ATP8B1: variants seen among roughly 807,000 people sequenced by gnomAD.
ATP8B1 encodes the protein ATPase phospholipid transporting 8B1.
A neutral mutation model predicts 149.9 loss-of-function variants in ATP8B1; 80 were observed. That is an observed-to-expected ratio of 0.53 (90% CI 0.45 to 0.64). The LOEUF (loss-of-function observed/expected upper bound fraction) is 0.64. ATP8B1 is among the 30% of genes least tolerant of loss of function. The pLI, the probability that ATP8B1 is intolerant of heterozygous loss-of-function variation, is 0.00. For synonymous variants in ATP8B1, 536 were observed against 562.8 expected (o/e 0.95, Z 0.67); for missense variants, 1,247 against 1,552.6 (o/e 0.80, Z 3.31).
At chr18:57,669,742 C>T (rs1302657137) in intron 17 of ATP8B1, among the ~76,000 whole-genome samples, 1 of 152,100 alleles carries the variant, frequency 6.6e-6, no homozygotes, top group African/African-American at 2.4e-5. Context: ...CTCTGCCTTC[C>T]AGGCTGAAGC....
chr18:57,790,664 A>T (rs749605272), intron 1 of ATP8B1, among the ~76,000 whole-genome samples: 23 of 152,142 alleles, frequency 1.5e-4, no homozygotes, highest in Non-Finnish European at 2.9e-4. Context: ...TCCCTGGGCC[A>T]TTTTTTAAAT....
chr18:57,727,131 C>T (rs2079717039), intron 2 of ATP8B1, among the ~76,000 whole-genome samples: 1 of 152,062 alleles, frequency 6.6e-6, no homozygotes, highest in Admixed American at 6.6e-5. Flanking sequence ...TGAGATGGCA[C>T]AGTATCACCA....
intron 1 of ATP8B1, among the ~76,000 whole-genome samples, chr18:57,736,696 G>A (rs1326829467): frequency 9.3e-5 from 14 of 150,002 alleles, no homozygotes; most frequent in Non-Finnish European, 5.9e-5. Flanking sequence ...CCTGGGTCAA[G>A]TGATCCTCCA....
At chr18:57,772,772 G>T (rs2080274300) in intron 1 of ATP8B1, among the ~76,000 whole-genome samples, 1 of 152,102 alleles carries the variant, frequency 6.6e-6, no homozygotes, top group Middle Eastern at 3.2e-3. Context: ...AAGTAACAGG[G>T]ACGATGAGGA....
In ATP8B1 at chr18:57,701,092, A is replaced by T. The variant is rs780703474; in HGVS notation, c.501T>A (p.His167Gln). ...TATTGTTGATTTCCTTATCCATTTT[A>T]TGGCGAGCCTTGAGAAGGAAGATGG... ...IKDLVDDVAR[H>Q]KMDKEINNRT... The change falls in exon 6 of 28, where the codon CAT (histidine) becomes CAA (glutamine). Residue 167 changes from histidine (H) to glutamine (Q), a missense_variant. His to Gln is a conservative substitution (Grantham distance 24). Transcript: ENST00000648908. The T allele has an allele frequency of 2.5e-6, 4 of 1,614,056 alleles. No individual in the cohort carries two copies. Among genetic ancestry groups the T allele is most frequent in the Non-Finnish European group, 3.4e-6 (4 of 1,180,010 alleles).
intron 11 of ATP8B1, among the ~76,000 whole-genome samples, chr18:57,693,252 G>A (rs950146958): frequency 1.3e-5 from 2 of 151,318 alleles, no homozygotes; most frequent in South Asian, 4.2e-4. Flanking sequence ...GGAAATAGAA[G>A]GAGTGCTTAA....
chr18:57,672,929 T>A lies in ATP8B1; in HGVS notation c.1820-1349A>T, dbSNP rs199925730. ...ATATATATATATATATATATATATA[T>A]ATAACATGTATATACACATATATAC... is the stretch of plus-strand genomic sequence containing the variant. On this transcript the variant is annotated intron_variant, in intron 16 of 27. Transcript: ENST00000648908. Among the ~76,000 whole-genome samples, 60 of 20,916 alleles carry A rather than the reference T, an allele frequency of 2.9e-3. 1 individual carries two copies. Among genetic ancestry groups the A allele is most frequent in the East Asian group, 0.017 (4 of 240 alleles). 13.7% of individuals were successfully genotyped at this position (20,916 alleles called of 152,430 possible). A position where few individuals can be genotyped will look rare whatever the true frequency, so the allele number is the denominator to read the frequency against.
intron 6 of ATP8B1, among the ~76,000 whole-genome samples, chr18:57,700,474 C>T (rs1913062171): frequency 6.6e-6 from 1 of 151,990 alleles, no homozygotes; most frequent in African/African-American, 2.4e-5. Context: ...ATCTTTAAAA[C>T]AATATTATAG....
Position 57,713,240 on chromosome 18 carries a change from C to CT in ATP8B1, c.182-6654dup, listed in dbSNP as rs1418593919. Among the ~76,000 whole-genome samples the CT allele has an allele frequency of 1.7e-3, 110 of 65,082 alleles. 1 individual carries two copies. The highest frequency in any genetic ancestry group is 3.2e-3 in the East Asian group (4 of 1,232). The allele number at this position is 65,082 out of a possible 152,430, so 42.7% of individuals were successfully genotyped here. ...CCTTCCTTCCTTCCTTCCTTCCTTC[C>CT]TTCTTTCTTTCTTTCTTTCTTTCTC... On this transcript the variant is annotated intron_variant, in intron 2 of 27. Transcript: ENST00000648908.
At chr18:57,754,548 G>T (rs1454037824) in intron 1 of ATP8B1, among the ~76,000 whole-genome samples, 1 of 152,100 alleles carries the variant, frequency 6.6e-6, no homozygotes, top group Admixed American at 6.5e-5. Flanking sequence ...CTGCTGTGAG[G>T]ATAAAATGAT....
Position 57,648,224 on chromosome 18 carries a change from G to T in ATP8B1, c.*264C>A, listed in dbSNP as rs748164178. The T allele has an allele frequency of 9.0e-6, 5 of 555,832 alleles. No individual in the cohort carries two copies. The South Asian group carries it at 1.0e-4, about 11-fold the overall frequency. The allele number at this position is 555,832 out of a possible 1,614,324, so 34.4% of individuals were successfully genotyped here. ...TGGTCTCGAACTCCTGGCCTCAGGTGATCTCCCCTCCTCAGCCTCCTAAAG... is the reference window on the plus strand; with the variant it reads ...TGGTCTCGAACTCCTGGCCTCAGGTTATCTCCCCTCCTCAGCCTCCTAAAG... On this transcript the variant is annotated 3_prime_UTR_variant, in exon 28 of 28. Coordinates refer to ENST00000648908, the MANE Select transcript of ATP8B1 (RefSeq NM_001374385.1).
At chr18:57,789,966 A>G (rs2080446466) in intron 1 of ATP8B1, among the ~76,000 whole-genome samples, 1 of 152,072 alleles carries the variant, frequency 6.6e-6, no homozygotes, top group Non-Finnish European at 1.5e-5. Context: ...TGAATCACCA[A>G]TGCTTGACCC....
At chr18:57,680,088 C>T (rs1272790502) in intron 15 of ATP8B1, among the ~76,000 whole-genome samples, 2 of 151,230 alleles carry the variant, frequency 1.3e-5, no homozygotes, top group South Asian at 2.1e-4. Flanking sequence ...CAAGCCTGGC[C>T]AACATGGCAA....
chr18:57,740,324 C>T (rs1031663126), intron 1 of ATP8B1, among the ~76,000 whole-genome samples: 10 of 151,816 alleles, frequency 6.6e-5, no homozygotes, highest in South Asian at 2.1e-4. Context: ...ATCTGTTTTT[C>T]CTCATTTTGT....
chr18:57,779,568 T>C (rs1412796940), intron 1 of ATP8B1, among the ~76,000 whole-genome samples: 2 of 152,238 alleles, frequency 1.3e-5, no homozygotes, highest in African/African-American at 4.8e-5. Flanking sequence ...TTCTACCTTA[T>C]TTTTAGTATA....
At chr18:57,663,101 C>T (rs766678446) in intron 20 of ATP8B1, among the ~76,000 whole-genome samples, 1 of 152,174 alleles carries the variant, frequency 6.6e-6, no homozygotes, top group Non-Finnish European at 1.5e-5. Flanking sequence ...CTCACTCGCC[C>T]TCCAGTCCCT....
chr18:57,675,208 T>C (rs775137465), intron 15 of ATP8B1, among the ~76,000 whole-genome samples, 186 bp from the exon 16 acceptor site: 6 of 152,254 alleles, frequency 3.9e-5, no homozygotes, highest in Non-Finnish European at 7.3e-5. Flanking sequence ...TTATCTTGAC[T>C]TATAAACAGT....
chr18:57,648,882 G>GTGTGTGTGTGTGTTTGTGTGTGTGTGTA (rs61181992), intron 27 of ATP8B1, among the ~76,000 whole-genome samples, 170 bp from the exon 28 acceptor site: 2 of 134,668 alleles, frequency 1.5e-5, no homozygotes, highest in African/African-American at 6.0e-5. Context: ...GTGTGTGTGT[G>GTGTGTGTGTGTGTTTGTGTGTGTGTGTA]TGTGTATGTG....
At chr18:57,783,789 C>A (rs958488389) in intron 1 of ATP8B1, among the ~76,000 whole-genome samples, 3 of 151,848 alleles carry the variant, frequency 2.0e-5, no homozygotes, top group African/African-American at 7.3e-5. Flanking sequence ...GAGCTGAGAT[C>A]GCGCCACTGA....
Sources: gnomAD v4.1 joint callset for allele counts (sites outside exome capture counted in the v4.1 genomes callset) on GRCh38, gnomAD v4.1.1 for gene constraint, MANE v1.5 for transcripts, NCBI Gene and HGNC (gene_info 2026-07-23, HGNC 2026-07-21) for gene names.